The following HS3ST3A1 variants were observed in gnomAD, a reference collection of about 807,000 sequenced individuals.
HS3ST3A1 encodes the protein heparan sulfate-glucosamine 3-sulfotransferase 3A1.
HS3ST3A1 carries 19 observed loss-of-function variants against 25.7 expected under a neutral mutation model. The ratio of observed to expected loss-of-function variants is 0.74; its 90% CI spans 0.52 to 1.08. The LOEUF (loss-of-function observed/expected upper bound fraction) is 1.08, where lower values mean the gene tolerates loss of function less well. Ranked by LOEUF, HS3ST3A1 falls within the 50% of genes least tolerant of loss-of-function variation. The pLI, the probability that HS3ST3A1 is intolerant of heterozygous loss-of-function variation, is 0.00. For missense variants in HS3ST3A1, 459 were observed against 594.3 expected, an observed-to-expected ratio of 0.77 and a Z score of 2.37; for synonymous variants, 226 against 278.6, an observed-to-expected ratio of 0.81 and a Z score of 1.88.
At chr17:13,561,778 C>T (rs1319793530) in intron 1 of HS3ST3A1, among the ~76,000 whole-genome samples, 1 of 152,068 alleles carries the variant, frequency 6.6e-6, no homozygotes, top group East Asian at 1.9e-4. Flanking sequence ...AGGAGATGGA[C>T]GCCACACCCA....
chr17:13,593,067 A>G (rs1201357434), intron 1 of HS3ST3A1, among the ~76,000 whole-genome samples: 1 of 152,208 alleles, frequency 6.6e-6, no homozygotes, highest in Non-Finnish European at 1.5e-5. Flanking sequence ...TGTCTACAAC[A>G]AAGGTTAAAA....
At chr17:13,497,385 C>T (rs1905318502) in intron 1 of HS3ST3A1, among the ~76,000 whole-genome samples, 1 of 152,162 alleles carries the variant, frequency 6.6e-6, no homozygotes, top group Non-Finnish European at 1.5e-5. Flanking sequence ...TTTGAAATGC[C>T]ATCATTATCA....
chr17:13,564,669 A>G (rs1254751210), intron 1 of HS3ST3A1, among the ~76,000 whole-genome samples: 1 of 151,106 alleles, frequency 6.6e-6, no homozygotes, highest in East Asian at 1.9e-4. Flanking sequence ...CTGAATGTAG[A>G]ACCCACAGAT....
At chr17:13,593,579 T>C (rs1457479175) in intron 1 of HS3ST3A1, among the ~76,000 whole-genome samples, 1 of 152,152 alleles carries the variant, frequency 6.6e-6, no homozygotes, top group East Asian at 1.9e-4. Flanking sequence ...GGGCCCATCC[T>C]GGGGGCCCTT....
intron 1 of HS3ST3A1, among the ~76,000 whole-genome samples, chr17:13,591,849 G>A (rs1420759592): frequency 1.3e-5 from 2 of 151,804 alleles, no homozygotes; most frequent in Admixed American, 1.3e-4. Context: ...TAGTAGAGAT[G>A]CGATTTCACC....
chr17:13,512,319 A>AC (rs1259490601), intron 1 of HS3ST3A1, among the ~76,000 whole-genome samples: 29 of 150,924 alleles, frequency 1.9e-4, no homozygotes, highest in African/African-American at 6.9e-4. Flanking sequence ...AAAAAAAAAA[A>AC]AAAAAAAACT....
At chr17:13,596,712 A>G (rs1157424710) in intron 1 of HS3ST3A1, among the ~76,000 whole-genome samples, 1 of 152,084 alleles carries the variant, frequency 6.6e-6, no homozygotes, top group African/African-American at 2.4e-5. Flanking sequence ...ATCAGTCCAC[A>G]TGACCTTGCA....
chr17:13,591,039 T>C (rs1345343064), intron 1 of HS3ST3A1, among the ~76,000 whole-genome samples: 4 of 147,404 alleles, frequency 2.7e-5, no homozygotes, highest in Non-Finnish European at 2.9e-5. Context: ...TTTATTTTCT[T>C]TTTCTTTTCT....
chr17:13,510,764 G>C (rs1014603117), intron 1 of HS3ST3A1, among the ~76,000 whole-genome samples: 14 of 151,910 alleles, frequency 9.2e-5, no homozygotes, highest in Non-Finnish European at 1.5e-4. Flanking sequence ...GAGTGCAGTG[G>C]CGAGATCTTG....
At chr17:13,524,900 C>A (rs1906361927) in intron 1 of HS3ST3A1, among the ~76,000 whole-genome samples, 1 of 152,096 alleles carries the variant, frequency 6.6e-6, no homozygotes, top group Non-Finnish European at 1.5e-5. Context: ...AGTGGTTATG[C>A]CATCTACTAC....
At position 13,567,926 on chromosome 17, in the gene HS3ST3A1, G is replaced by A. The variant is rs148350369; in HGVS notation, c.599+32605C>T. On this transcript the variant is annotated intron_variant, in intron 1 of 1. Coordinates refer to ENST00000284110, the MANE Select transcript of HS3ST3A1 (RefSeq NM_006042.3). The stretch of plus-strand genomic sequence containing the variant: ...AACTTAGTAGATAAAACAGCAGCAG[G>A]ATTTGAGAGGACTGACTCCAATTTT... 2.8e-3 allele frequency among the ~76,000 whole-genome samples: 426 copies of A among 152,350 alleles called. 5 individuals are homozygous for A. The South Asian group carries it at 0.03, about 11-fold the overall frequency.
chr17:13,548,631 T>G (rs947153046), intron 1 of HS3ST3A1, among the ~76,000 whole-genome samples: 3 of 152,152 alleles, frequency 2.0e-5, no homozygotes, highest in African/African-American at 7.2e-5. Flanking sequence ...TGACTGGGCT[T>G]CTGGGTCGGG....
At chr17:13,509,640 G>C (rs1905799432) in intron 1 of HS3ST3A1, among the ~76,000 whole-genome samples, 1 of 152,042 alleles carries the variant, frequency 6.6e-6, no homozygotes, top group Non-Finnish European at 1.5e-5. Flanking sequence ...AAGAGAGCAA[G>C]AAGATAGAAG....
chr17:13,538,994 C>A (rs998664804), intron 1 of HS3ST3A1, among the ~76,000 whole-genome samples: 17 of 152,180 alleles, frequency 1.1e-4, no homozygotes, highest in African/African-American at 4.1e-4. Context: ...ATATCAGCTA[C>A]AGTCACTCAT....
chr17:13,549,791 T>C (rs1255493553), intron 1 of HS3ST3A1, among the ~76,000 whole-genome samples: 4 of 152,192 alleles, frequency 2.6e-5, no homozygotes, highest in African/African-American at 9.7e-5. Context: ...AGAAAATTAT[T>C]GGGAAAAGTC....
At chr17:13,496,860 GCT>G in intron 1 of HS3ST3A1, 42 bp from the exon 2 acceptor site, 1 of 1,589,998 alleles carries the variant, frequency 6.3e-7, no homozygotes, top group South Asian at 1.2e-5. Context: ...TGCAGAGAGA[GCT>G]CAGTCCCAGG....
intron 1 of HS3ST3A1, among the ~76,000 whole-genome samples, chr17:13,558,570 A>G (rs1438000447): frequency 1.3e-5 from 2 of 152,218 alleles, no homozygotes; most frequent in African/African-American, 4.8e-5. Context: ...CAGAGGGTGG[A>G]ATCTGACACA....
At chr17:13,576,646 G>A (rs1350750294) in intron 1 of HS3ST3A1, among the ~76,000 whole-genome samples, 1 of 152,228 alleles carries the variant, frequency 6.6e-6, no homozygotes, top group Non-Finnish European at 1.5e-5. Flanking sequence ...ATATCTGGAA[G>A]ATCACCACAG....
At chr17:13,581,820 A>AT (rs1241524673) in intron 1 of HS3ST3A1, among the ~76,000 whole-genome samples, 1 of 152,214 alleles carries the variant, frequency 6.6e-6, no homozygotes, top group African/African-American at 2.4e-5. Flanking sequence ...TAATAATGAG[A>AT]TTTTGTGATA....
Sources: allele counts gnomAD v4.1 joint callset (sites outside exome capture counted in the v4.1 genomes callset), GRCh38; gene constraint gnomAD v4.1.1; transcripts MANE v1.5; gene names NCBI Gene and HGNC (gene_info 2026-07-23, HGNC 2026-07-21).